Variants in PAK6 observed in about 807,000 individuals in gnomAD.
The protein encoded by PAK6 is p21 (RAC1) activated kinase 6.
A neutral mutation model predicts 60.8 loss-of-function variants in PAK6; 33 were observed. The observed-to-expected ratio is 0.54, with a 90% CI of 0.41 to 0.73. The LOEUF (loss-of-function observed/expected upper bound fraction) is 0.73, where lower values mean the gene tolerates loss of function less well. Among genes scored for constraint, PAK6 ranks in the 30% least tolerant of loss-of-function variants. The pLI is 0.00. For missense variants in PAK6, 845 were observed against 904.1 expected (o/e 0.93, Z 0.84); for synonymous variants, 404 against 378.5 (o/e 1.07, Z -0.78).
intron 2 of PAK6, among the ~76,000 whole-genome samples, chr15:40,241,388 G>A (rs1274519982): frequency 6.6e-6 from 1 of 152,202 alleles, no homozygotes; most frequent in Non-Finnish European, 1.5e-5. Flanking sequence ...CTGGGCTGCA[G>A]GAGGAGAGGA....
chr15:40,266,527 C>A (rs375465671), intron 5 of PAK6, 32 bp downstream of exon 5: 41 of 1,557,990 alleles, frequency 2.6e-5, no homozygotes, highest in African/African-American at 5.4e-5. Context: ...CAGGTGTCCA[C>A]TGGGGAGTGG....
At chr15:40,276,346 A>G (rs943601348) in exon 11 of PAK6, 4 of 506,072 alleles carry the variant, frequency 7.9e-6, no homozygotes, top group Admixed American at 3.6e-5. Flanking sequence ...GCACAGGGAT[A>G]TTTCTAAGAA....
At chr15:40,252,614 G>GGGAA in intron 2 of PAK6, 5 of 1,345,866 alleles carry the variant, frequency 3.7e-6, no homozygotes, top group Non-Finnish European at 4.9e-6. Flanking sequence ...CGGCGTTCCC[G>GGGAA]CGCCGAGGTC....
Position 40,270,520 on chromosome 15 carries a change from C to T in PAK6, c.859-1704C>T, listed in dbSNP as rs529522375. ...CTCAGAGAGGATGACTTGCCTAAGGCTCATCACAGGGCAGAGCAGCCCAGG... is the reference window on the plus strand; with the variant it reads ...CTCAGAGAGGATGACTTGCCTAAGGTTCATCACAGGGCAGAGCAGCCCAGG... On this transcript the variant is annotated intron_variant, in intron 5 of 10. Transcript: ENST00000560346. Among the ~76,000 whole-genome samples the T allele has an allele frequency of 2.6e-4, 39 of 152,326 alleles. 1 individual carries two copies. Among genetic ancestry groups the T allele is most frequent in the Admixed American group, 2.0e-3 (31 of 15,300 alleles).
chr15:40,274,304 C>T (rs1053489188), intron 10 of PAK6, 28 bp downstream of exon 10: 9 of 1,563,126 alleles, frequency 5.8e-6, no homozygotes, highest in African/African-American at 1.4e-5. Context: ...GGTGCGACCT[C>T]GCAGACCCCA....
At chr15:40,266,302 A>G (rs1566854315) in exon 5 of PAK6, 1 of 1,612,024 alleles carries the variant, frequency 6.2e-7, no homozygotes, top group Non-Finnish European at 8.5e-7. Context: ...GCTGCCAAGC[A>G]TGGCTCTGAG....
At chr15:40,252,652 C>T (rs1269481533) in intron 2 of PAK6, 3 of 1,325,946 alleles carry the variant, frequency 2.3e-6, no homozygotes, top group Non-Finnish European at 3.0e-6. Context: ...GCCCGGCTCC[C>T]ACGACCTCTT....
chr15:40,256,424 C>A (rs2038836317), intron 3 of PAK6, among the ~76,000 whole-genome samples: 1 of 152,190 alleles, frequency 6.6e-6, no homozygotes, highest in African/African-American at 2.4e-5. Context: ...GGTCAAGAAA[C>A]CCTGCTGCAG....
At position 40,252,595 on chromosome 15, in the gene PAK6, G is replaced by A. The variant is rs780148206; in HGVS notation, c.-117-583G>A. 4 of 1,353,868 alleles carry A rather than the reference G, an allele frequency of 3.0e-6. No individual in the cohort carries two copies. The East Asian group carries it at 1.4e-4, about 47-fold the overall frequency. The allele number at this position is 1,353,868 out of a possible 1,614,324, so 83.9% of individuals were successfully genotyped here. Reference sequence around the variant, plus strand: ...GGCGCTGCACCAACGTGTAAGCGCGGCCCCTCCTCGGCGTTCCCGCGCCGA... The same window carrying A: ...GGCGCTGCACCAACGTGTAAGCGCGACCCCTCCTCGGCGTTCCCGCGCCGA... On this transcript the variant is annotated intron_variant, in intron 2 of 10. Coordinates refer to ENST00000560346, the Ensembl canonical transcript of PAK6.
rs544387810 is a variant in PAK6 at position 40,264,195 on chromosome 15, A to G, written c.-5-586A>G. The stretch of plus-strand genomic sequence containing the variant: ...TTAACGTATCATATTAACAGGTTCA[A>G]CCATCCTGGGACAAAGCTGAGTTGT... On this transcript the variant is annotated intron_variant, in intron 3 of 10. Transcript: ENST00000560346. Among the ~76,000 whole-genome samples the G allele has an allele frequency of 1.5e-4, 23 of 152,158 alleles. No homozygotes were observed. In the South Asian group the frequency reaches 4.8e-3, roughly 32 times the overall value.
chr15:40,269,480 G>C (rs2039241724), intron 5 of PAK6, among the ~76,000 whole-genome samples: 1 of 152,236 alleles, frequency 6.6e-6, no homozygotes, highest in Admixed American at 6.5e-5. Context: ...TTCTTCCCAA[G>C]AGGTCTATCA....
At chr15:40,265,928 C>G in exon 5 of PAK6, 15 of 1,606,136 alleles carry the variant, frequency 9.3e-6, no homozygotes, top group Non-Finnish European at 1.1e-5. Context: ...TCATCAGCTC[C>G]AACACCCTGC....
chr15:40,253,383 G>A (rs1414657799), intron 3 of PAK6, 94 bp downstream of exon 3: 1 of 413,504 alleles, frequency 2.4e-6, no homozygotes, highest in Non-Finnish European at 4.8e-6. Flanking sequence ...TGGCCCTCCT[G>A]GGCTGGCTCC....
In PAK6 at chr15:40,252,903, G is replaced by A. The variant is rs190487630; in HGVS notation, c.-117-275G>A. 264 of 1,190,652 alleles carry A rather than the reference G, an allele frequency of 2.2e-4. 2 individuals carry two copies. In the East Asian group the frequency reaches 0.012, roughly 53 times the overall value. 73.8% of individuals were successfully genotyped at this position (1,190,652 alleles called of 1,614,324 possible). A position where few individuals can be genotyped will look rare whatever the true frequency, so the allele number is the denominator to read the frequency against. On this transcript the variant is annotated intron_variant, in intron 2 of 10. Transcript: ENST00000560346. ...GCGCGGGGCATTCGCGTCCCCGAGAGGGCGCAGCAGTGGGGCCTGCGAGCT... is the reference window on the plus strand; with the variant it reads ...GCGCGGGGCATTCGCGTCCCCGAGAAGGCGCAGCAGTGGGGCCTGCGAGCT...
chr15:40,273,738 G>T, intron 9 of PAK6, 62 bp downstream of exon 9: 1 of 1,586,896 alleles, frequency 6.3e-7, no homozygotes, highest in South Asian at 1.1e-5. Context: ...CAGCTCTTCT[G>T]CTGTGGCCCC....
chr15:40,271,231 G>A (rs1595600561), intron 5 of PAK6, among the ~76,000 whole-genome samples: 1 of 152,210 alleles, frequency 6.6e-6, no homozygotes. Flanking sequence ...AAAGATGGGC[G>A]GGCACCTTTC....
At chr15:40,253,225 A>C in exon 3 of PAK6, 1 of 456,052 alleles carries the variant, frequency 2.2e-6, no homozygotes, top group Middle Eastern at 3.3e-4. Context: ...CCCTCTCCTC[A>C]GCGCCTAAGA....
At chr15:40,250,194 T>C (rs1244481450) in intron 2 of PAK6, among the ~76,000 whole-genome samples, 2 of 152,124 alleles carry the variant, frequency 1.3e-5, no homozygotes, top group Non-Finnish European at 2.9e-5. Context: ...CAGAGGAGAA[T>C]AGAGAAGGGG....
chr15:40,275,280 G>GTTTTCTTTTTCTTTTT (rs1448905930), intron 10 of PAK6, among the ~76,000 whole-genome samples: 1 of 56,484 alleles, frequency 1.8e-5, no homozygotes, highest in African/African-American at 7.2e-5. Context: ...GTTGTTGTTG[G>GTTTTCTTTTTCTTTTT]TTTTTTTTTT....
Sources: allele counts gnomAD v4.1 joint callset (sites outside exome capture counted in the v4.1 genomes callset), GRCh38; gene constraint gnomAD v4.1.1; transcripts MANE v1.5; gene names NCBI Gene and HGNC (gene_info 2026-07-23, HGNC 2026-07-21).